The following AKAP13 variants were observed in gnomAD, a reference collection of about 807,000 sequenced individuals.
AKAP13 encodes the protein A-kinase anchoring protein 13.
AKAP13 carries 80 observed loss-of-function variants against 264.5 expected under a neutral mutation model. The ratio of observed to expected loss-of-function variants is 0.30; its 90% CI spans 0.25 to 0.36. AKAP13 has a LOEUF of 0.36. Among genes scored for constraint, AKAP13 ranks in the 10% least tolerant of loss-of-function variants. The probability of loss-of-function intolerance (pLI) is 1.00; values close to 1 mark genes in which losing one functional copy is unlikely to be tolerated. For missense variants in AKAP13, 3,712 were observed against 3,435.2 expected (o/e 1.08, Z -2.01); for synonymous variants, 1,380 against 1,250.2 (o/e 1.10, Z -2.19).
chr15:85,601,037 T>G (rs2080040766), intron 8 of AKAP13, among the ~76,000 whole-genome samples: 3 of 152,256 alleles, frequency 2.0e-5, no homozygotes, highest in Admixed American at 6.5e-5. Context: ...ATCCATGTAC[T>G]TGGCTGACTT....
chr15:85,426,763 A>G (rs947698680), intron 1 of AKAP13, among the ~76,000 whole-genome samples: 5 of 152,092 alleles, frequency 3.3e-5, no homozygotes, highest in African/African-American at 1.2e-4. Flanking sequence ...TCTGTCTGCA[A>G]TGTTTTTTAA....
chr15:85,448,705 A>G (rs529028043), intron 1 of AKAP13, among the ~76,000 whole-genome samples: 16 of 151,928 alleles, frequency 1.1e-4, no homozygotes, highest in African/African-American at 3.6e-4. Flanking sequence ...TGGGCTCTCT[A>G]TTTTGTTCCA....
At chr15:85,418,014 C>G (rs1363725952) in intron 1 of AKAP13, among the ~76,000 whole-genome samples, 2 of 150,784 alleles carry the variant, frequency 1.3e-5, no homozygotes, top group Non-Finnish European at 3.0e-5. Flanking sequence ...AGATATTTTA[C>G]ATTTTTACAT....
chr15:85,682,559 CTGTG>C (rs201626067), intron 15 of AKAP13, among the ~76,000 whole-genome samples: 1 of 152,050 alleles, frequency 6.6e-6, no homozygotes, highest in Non-Finnish European at 1.5e-5. Context: ...ATATTAGTGT[CTGTG>C]TGTGTGTGCA....
intron 2 of AKAP13, among the ~76,000 whole-genome samples, chr15:85,496,188 C>T (rs2075867877): frequency 6.6e-6 from 1 of 152,168 alleles, no homozygotes; most frequent in Non-Finnish European, 1.5e-5. Flanking sequence ...AAAGCACCCC[C>T]ACCTCCTTTT....
chr15:85,722,387 C>G, intron 25 of AKAP13, 40 bp downstream of exon 25: 2 of 1,508,812 alleles, frequency 1.3e-6, no homozygotes, highest in Non-Finnish European at 1.8e-6. Flanking sequence ...TGGTCATGGA[C>G]TGTTTCCTCT....
intron 2 of AKAP13, among the ~76,000 whole-genome samples, chr15:85,496,474 T>C (rs1213979671): frequency 6.6e-6 from 1 of 152,172 alleles, no homozygotes; most frequent in Non-Finnish European, 1.5e-5. Context: ...TTTTTATCAG[T>C]TAAAAAAATT....
At chr15:85,578,905 A>G in intron 6 of AKAP13, 25 bp from the exon 7 acceptor site, 1 of 1,593,010 alleles carries the variant, frequency 6.3e-7, no homozygotes. Context: ...GCAGTTTTTT[A>G]AAAGTGTATT....
At chr15:85,588,344 A>C (rs1472912193) in intron 8 of AKAP13, among the ~76,000 whole-genome samples, 1 of 152,168 alleles carries the variant, frequency 6.6e-6, no homozygotes, top group Non-Finnish European at 1.5e-5. Flanking sequence ...TATTCAGACA[A>C]ATGTTGCTTT....
chr15:85,411,164 C>T (rs777777380), intron 1 of AKAP13, among the ~76,000 whole-genome samples: 20 of 152,158 alleles, frequency 1.3e-4, no homozygotes, highest in Non-Finnish European at 2.2e-4. Flanking sequence ...GTGAAGCTGC[C>T]GATGCCTTAG....
intron 3 of AKAP13, 87 bp from the exon 4 acceptor site, chr15:85,533,497 G>T (rs547849002): frequency 3.9e-6 from 5 of 1,282,472 alleles, no homozygotes; most frequent in Non-Finnish European, 5.2e-6. Flanking sequence ...TTTGTATGTC[G>T]TGAAATAAGA....
intron 6 of AKAP13, among the ~76,000 whole-genome samples, chr15:85,578,037 C>T (rs1017970020): frequency 1.3e-5 from 2 of 152,172 alleles, no homozygotes; most frequent in Non-Finnish European, 2.9e-5. Context: ...AATCCCAGCA[C>T]TTTGGGAGAC....
intron 14 of AKAP13, among the ~76,000 whole-genome samples, chr15:85,670,343 G>A (rs933112519): frequency 1.3e-5 from 2 of 151,552 alleles, no homozygotes; most frequent in Admixed American, 6.6e-5. Flanking sequence ...TAAAAACAAA[G>A]ATATTGTCTT....
At chr15:85,403,331 G>A (rs2071512503) in intron 1 of AKAP13, among the ~76,000 whole-genome samples, 1 of 152,212 alleles carries the variant, frequency 6.6e-6, no homozygotes, top group African/African-American at 2.4e-5. Context: ...GGTACCTAAT[G>A]CAAGGAAATT....
chr15:85,716,172 A>G lies in AKAP13; in HGVS notation c.5735+249A>G, dbSNP rs193014155. On this transcript the variant is annotated intron_variant, in intron 20 of 36. Transcript: ENST00000394518. ...AGGCTTTTTGTATATCATCAGCCCTACTTTTGAAGAATCTGAGTTCTAAAA... is the reference window on the plus strand; with the variant it reads ...AGGCTTTTTGTATATCATCAGCCCTGCTTTTGAAGAATCTGAGTTCTAAAA... Among the ~76,000 whole-genome samples, 11 of 152,238 alleles carry G rather than the reference A, an allele frequency of 7.2e-5. No homozygotes were observed. The East Asian group carries it at 2.1e-3, about 29-fold the overall frequency.
chr15:85,592,275 T>C (rs1188513387), intron 8 of AKAP13, among the ~76,000 whole-genome samples: 1 of 152,186 alleles, frequency 6.6e-6, no homozygotes. Flanking sequence ...GGCGAACTTG[T>C]ATTTCCATCC....
At chr15:85,669,033 C>T (rs562094742) in intron 13 of AKAP13, among the ~76,000 whole-genome samples, 2 of 151,416 alleles carry the variant, frequency 1.3e-5, no homozygotes, top group East Asian at 2.0e-4. Flanking sequence ...GTCAGGAGTT[C>T]GAGACCTGCC....
chr15:85,652,119 T>C (rs965559842), intron 10 of AKAP13, among the ~76,000 whole-genome samples: 1 of 152,238 alleles, frequency 6.6e-6, no homozygotes, highest in East Asian at 1.9e-4. Context: ...GAGATCAGAG[T>C]TAAAAGCACA....
intron 1 of AKAP13, among the ~76,000 whole-genome samples, chr15:85,458,483 A>G (rs1015467702): frequency 3.4e-5 from 5 of 146,188 alleles, no homozygotes; most frequent in Admixed American, 7.1e-5. Flanking sequence ...TGTACATGCT[A>G]TTAAGTTCCT....
Sources: allele counts gnomAD v4.1 joint callset (sites outside exome capture counted in the v4.1 genomes callset), GRCh38; gene constraint gnomAD v4.1.1; transcripts MANE v1.5; gene names NCBI Gene and HGNC (gene_info 2026-07-23, HGNC 2026-07-21).